CIAPIN1: variants seen among roughly 807,000 people sequenced by gnomAD.
CIAPIN1 encodes the protein cytokine induced apoptosis inhibitor 1.
Under a neutral mutation model 34.3 loss-of-function variants are expected in CIAPIN1, and 18 were observed. The observed-to-expected ratio is 0.52, with a 90% CI of 0.36 to 0.78. The LOEUF (loss-of-function observed/expected upper bound fraction) is 0.78. CIAPIN1 is among the 30% of genes least tolerant of loss of function. The probability of loss-of-function intolerance (pLI) is 0.00; values close to 1 mark genes in which losing one functional copy is unlikely to be tolerated. For missense variants in CIAPIN1, 310 were observed against 372.5 expected, an observed-to-expected ratio of 0.83 and a Z score of 1.38; for synonymous variants, 131 against 140.4, an observed-to-expected ratio of 0.93 and a Z score of 0.47.
At position 57,432,557 on chromosome 16, in the gene CIAPIN1, T is replaced by C; in HGVS notation, c.560A>G (p.Lys187Arg). 1 of 1,612,340 alleles carries C rather than the reference T, an allele frequency of 6.2e-7. No homozygotes were observed. The highest frequency in any genetic ancestry group is 8.5e-7 in the Non-Finnish European group (1 of 1,179,690). ...GGCAGCAGCAGGGTCCACAGCAGGT[T>C]TCACTGAGTCCAAGCAATAAAAGAA... is the stretch of plus-strand genomic sequence containing the variant. ...SITKKSSPSV[K>R]PAVDPAAAKL... is the part of the protein sequence containing the mutation. Residue 187 changes from lysine to arginine, a missense_variant, in exon 6 of 9, where the codon AAA (lysine) becomes AGA (arginine). Transcript: ENST00000394391.
chr16:57,429,498 T>TC (rs1407502468), intron 8 of CIAPIN1, among the ~76,000 whole-genome samples: 3 of 152,176 alleles, frequency 2.0e-5, no homozygotes, highest in African/African-American at 7.2e-5. Flanking sequence ...TAGTTCTTTT[T>TC]TTTTTGTTTT....
At position 57,430,396 on chromosome 16, in the gene CIAPIN1, TC is replaced by T. The variant is rs375295316; in HGVS notation, c.747-58del. 257 of 1,540,624 alleles carry T rather than the reference TC, an allele frequency of 1.7e-4. No individual in the cohort carries two copies. In the African/African-American group the frequency reaches 2.9e-3, roughly 18 times the overall value. ...ATTGTCACCACCCAGAAATCCCAAATCCTAACAGTGCCAAAATGTGCTTTAA... is the reference window on the plus strand; with the variant it reads ...ATTGTCACCACCCAGAAATCCCAAATCTAACAGTGCCAAAATGTGCTTTAA... On this transcript the variant is annotated intron_variant, in intron 7 of 8. Coordinates refer to ENST00000394391, the MANE Select transcript of CIAPIN1 (RefSeq NM_020313.4).
chr16:57,441,837 T>C (rs893137028), intron 1 of CIAPIN1, among the ~76,000 whole-genome samples: 8 of 152,224 alleles, frequency 5.3e-5, no homozygotes, highest in African/African-American at 1.9e-4. Context: ...CTCTACTCAG[T>C]TTCTCCTTTC....
intron 1 of CIAPIN1, among the ~76,000 whole-genome samples, chr16:57,442,339 C>T (rs924622117): frequency 2.0e-5 from 3 of 151,276 alleles, no homozygotes; most frequent in Non-Finnish European, 4.4e-5. Flanking sequence ...AGCGAGACTC[C>T]GTCTCAAAAT....
chr16:57,429,513 A>T (rs1369965482), intron 8 of CIAPIN1, among the ~76,000 whole-genome samples: 2 of 151,884 alleles, frequency 1.3e-5, no homozygotes, highest in Non-Finnish European at 2.9e-5. Context: ...TGTTTTTGAG[A>T]TGGAGTCTCC....
intron 1 of CIAPIN1, among the ~76,000 whole-genome samples, 166 bp downstream of exon 1, chr16:57,447,176 A>C (rs1430489967): frequency 6.6e-6 from 1 of 151,984 alleles, no homozygotes; most frequent in African/African-American, 2.4e-5. Context: ...CCTCACACCG[A>C]CTTCTCAGGA....
chr16:57,446,829 ATCAAC>A (rs1309803766), intron 1 of CIAPIN1, among the ~76,000 whole-genome samples: 2 of 152,166 alleles, frequency 1.3e-5, no homozygotes, highest in Non-Finnish European at 2.9e-5. Context: ...ACTTAATTAT[ATCAAC>A]TCAACACGCT....
intron 1 of CIAPIN1, among the ~76,000 whole-genome samples, chr16:57,446,156 G>A (rs763883827): frequency 2.6e-5 from 4 of 152,100 alleles, no homozygotes; most frequent in African/African-American, 9.7e-5. Flanking sequence ...TTTTTAAAAA[G>A]TGAGAATCAA....
chr16:57,431,019 A>C, intron 7 of CIAPIN1, 132 bp downstream of exon 7: 1 of 521,838 alleles, frequency 1.9e-6, no homozygotes, highest in Non-Finnish European at 3.4e-6. Flanking sequence ...TTTTTTAATT[A>C]TTTGCAGAGA....
Position 57,439,166 on chromosome 16 carries a change from G to A in CIAPIN1, c.310+16C>T, listed in dbSNP as rs777078113. On this transcript the variant is annotated intron_variant, in intron 3 of 8. Coordinates refer to ENST00000394391, the MANE Select transcript of CIAPIN1 (RefSeq NM_020313.4). ...CAACCCTGTCAAACATGTTTTCCAAGTGAAGATCTCCTTACCTACAGCTGT... is the reference window on the plus strand; with the variant it reads ...CAACCCTGTCAAACATGTTTTCCAAATGAAGATCTCCTTACCTACAGCTGT... 1.2e-6 allele frequency: 2 copies of A among 1,612,752 alleles called. No individual in the cohort carries two copies. Among genetic ancestry groups the A allele is most frequent in the South Asian group, 2.2e-5 (2 of 91,018 alleles).
Position 57,429,213 on chromosome 16 carries a change from C to G in CIAPIN1, c.896G>C (p.Gly299Ala). The G allele has an allele frequency of 6.2e-7, 1 of 1,613,566 alleles. No individual in the cohort carries two copies. Among genetic ancestry groups the G allele is most frequent in the Non-Finnish European group, 8.5e-7 (1 of 1,179,998 alleles). Reference protein sequence around the residue: ...PYLGMPAFKPGEKVLLSDSNL... With the variant: ...PYLGMPAFKPAEKVLLSDSNL... Reference sequence around the variant, plus strand: ...GCTATCACTCAGAAGCACCTTTTCCCCAGGTTTGAAGGCTGGCATCCCAAG... The same window carrying G: ...GCTATCACTCAGAAGCACCTTTTCCGCAGGTTTGAAGGCTGGCATCCCAAG... Residue 299 changes from glycine (G) to alanine (A), a missense_variant, in exon 9 of 9, where the codon GGG (glycine) becomes GCG (alanine). Transcript: ENST00000394391.
chr16:57,443,899 G>T (rs1257934502), intron 1 of CIAPIN1, among the ~76,000 whole-genome samples: 1 of 152,120 alleles, frequency 6.6e-6, no homozygotes, highest in Non-Finnish European at 1.5e-5. Flanking sequence ...CAAGATGGGA[G>T]TATGGATTGC....
chr16:57,433,925 G>A, intron 5 of CIAPIN1, 119 bp downstream of exon 5: 1 of 920,424 alleles, frequency 1.1e-6, no homozygotes, highest in Middle Eastern at 2.1e-4. Context: ...TTGTGGAAAT[G>A]GCAGAAATCA....
At chr16:57,431,385 T>C (rs564032108) in intron 6 of CIAPIN1, 119 bp from the exon 7 acceptor site, 17 of 611,602 alleles carry the variant, frequency 2.8e-5, no homozygotes, top group African/African-American at 2.4e-4. Flanking sequence ...GTCCACCCTG[T>C]CCTCCTTTTG....
Position 57,434,173 on chromosome 16 carries a change from C to T in CIAPIN1, c.427G>A (p.Val143Ile), listed in dbSNP as rs1176057579. 6.2e-7 allele frequency: 1 copy of T among 1,614,146 alleles called. No homozygotes were observed. Among genetic ancestry groups the T allele is most frequent in the Admixed American group, 1.7e-5 (1 of 60,020 alleles). ...EPLTPEEVQS[V>I]REHLGHESDN... ...CTTTCATGACCAAGGTGTTCTCGAA[C>T]AGACTGTACTTCCTCAGGGGTTAGG... is the stretch of plus-strand genomic sequence containing the variant. Residue 143 changes from valine to isoleucine, a missense_variant, in exon 5 of 9, where the codon GTT (valine) becomes ATT (isoleucine). Val to Ile is a conservative substitution (Grantham distance 29). Transcript: ENST00000394391.
intron 1 of CIAPIN1, among the ~76,000 whole-genome samples, chr16:57,445,862 T>TGCA (rs2030037492): frequency 9.1e-6 from 1 of 110,006 alleles, no homozygotes; most frequent in Non-Finnish European, 1.9e-5. Flanking sequence ...TTTTTTTTTT[T>TGCA]TTTGGCAGAG....
chr16:57,436,598 TA>T, intron 4 of CIAPIN1, 57 bp downstream of exon 4: 1 of 1,290,856 alleles, frequency 7.7e-7, no homozygotes, highest in Non-Finnish European at 1.1e-6. Context: ...TTCCTAGTTC[TA>T]AGCAATACTG....
At position 57,429,345 on chromosome 16, in the gene CIAPIN1, A is replaced by C. The variant is rs1598020012; in HGVS notation, c.829-65T>G. 6.2e-6 allele frequency: 7 copies of C among 1,126,210 alleles called. No homozygotes were observed. The East Asian group carries it at 1.7e-4, about 27-fold the overall frequency. The allele number at this position is 1,126,210 out of a possible 1,614,324, so 69.8% of individuals were successfully genotyped here. A position where few individuals can be genotyped will look rare whatever the true frequency, so the allele number is the denominator to read the frequency against. Reference sequence around the variant, plus strand: ...CCAGGCATACCAGCCAGAAGAAAGAAATGCCTAATTTCATAATGTGGCCAC... The same window carrying C: ...CCAGGCATACCAGCCAGAAGAAAGACATGCCTAATTTCATAATGTGGCCAC... On this transcript the variant is annotated intron_variant, in intron 8 of 8. Transcript: ENST00000394391.
rs143322758 is a variant in CIAPIN1 at position 57,437,368 on chromosome 16, G to A, written c.311-636C>T. 4.6e-5 allele frequency among the ~76,000 whole-genome samples: 7 copies of A among 152,184 alleles called. No homozygotes were observed. In the East Asian group the frequency reaches 5.8e-4, roughly 13 times the overall value. On this transcript the variant is annotated intron_variant, in intron 3 of 8. Coordinates refer to ENST00000394391, the MANE Select transcript of CIAPIN1 (RefSeq NM_020313.4). ...GTAGGCTAACGCAAGTGTCCTAAGC[G>A]TGTTTAAGGTAGGCTAGGCTAACCT...
Sources: allele counts gnomAD v4.1 joint callset (sites outside exome capture counted in the v4.1 genomes callset), GRCh38; gene constraint gnomAD v4.1.1; transcripts MANE v1.5; gene names NCBI Gene and HGNC (gene_info 2026-07-23, HGNC 2026-07-21).